Variants in SMARCA1 observed in about 807,000 individuals in gnomAD.
SMARCA1 encodes the protein SNF2 related chromatin remodeling ATPase 1, also known as SWI/SNF-related matrix-associated actin-dependent regulator of chromatin subfamily A member 1.
SMARCA1 carries 17 observed loss-of-function variants against 93.6 expected under a neutral mutation model. The observed-to-expected ratio is 0.18, with a 90% CI of 0.12 to 0.27. The LOEUF (loss-of-function observed/expected upper bound fraction) is 0.27, where lower values mean the gene tolerates loss of function less well. SMARCA1 is among the 10% of genes least tolerant of loss of function. SMARCA1 has a pLI of 1.00. For missense variants in SMARCA1, 630 were observed against 819.0 expected, an observed-to-expected ratio of 0.77 and a Z score of 2.82; for synonymous variants, 271 against 271.4, an observed-to-expected ratio of 1.00 and a Z score of 0.01.
chrX:129,518,944 A>T (rs1285896867), intron 1 of SMARCA1, among the ~76,000 whole-genome samples: 1 of 111,855 alleles, frequency 8.9e-6, no homozygotes, highest in Non-Finnish European at 1.9e-5. Context: ...AATTGTTTTC[A>T]TAGTATTATA....
At chrX:129,502,609 G>C (rs1389436516) in intron 9 of SMARCA1, among the ~76,000 whole-genome samples, 4 of 111,854 alleles carry the variant, frequency 3.6e-5, no homozygotes, top group Non-Finnish European at 7.5e-5. Flanking sequence ...GGAGACTAGG[G>C]AGTAGATATG....
Position 129,447,104 on chromosome X carries a change from A to G in SMARCA1, c.*58T>C. On this transcript the variant is annotated 3_prime_UTR_variant, in exon 25 of 25. Transcript: ENST00000371121. ...GAATACACTGGAACTGGCAATTAGC[A>G]TTTGAAGATGGGAACAAGAAAATAG... is the stretch of plus-strand genomic sequence containing the variant. 1 of 980,562 alleles carries G rather than the reference A, an allele frequency of 1.0e-6. No individual in the cohort carries two copies. Among genetic ancestry groups the G allele is most frequent in the Non-Finnish European group, 1.4e-6 (1 of 719,835 alleles). The allele number at this position is 980,562 out of a possible 1,213,427, so 80.8% of individuals were successfully genotyped here.
chrX:129,490,296 G>T (rs1004452958), intron 14 of SMARCA1, 104 bp from the exon 15 acceptor site: 1 of 471,719 alleles, frequency 2.1e-6, no homozygotes, highest in Non-Finnish European at 3.4e-6. Context: ...TTTTTCTCTA[G>T]ATCTGACACT....
At chrX:129,470,971 T>C (rs777113635) in intron 20 of SMARCA1, among the ~76,000 whole-genome samples, 29 of 112,303 alleles carry the variant, frequency 2.6e-4, no homozygotes, top group Non-Finnish European at 3.2e-4. Context: ...TTGCTAATAC[T>C]TGACACTTAT....
At chrX:129,508,873 T>C (rs1306307277) in intron 6 of SMARCA1, among the ~76,000 whole-genome samples, 1 of 112,193 alleles carries the variant, frequency 8.9e-6, no homozygotes, top group Non-Finnish European at 1.9e-5. Flanking sequence ...GCAAAATCTA[T>C]ATTAAGAAGA....
At chrX:129,454,022 C>A (rs776180474) in intron 23 of SMARCA1, among the ~76,000 whole-genome samples, 1 of 111,653 alleles carries the variant, frequency 9.0e-6, no homozygotes, top group East Asian at 2.8e-4. Flanking sequence ...GGAGGCATCA[C>A]GCTACCTGAC....
At chrX:129,510,691 C>T (rs1180965948) in intron 6 of SMARCA1, among the ~76,000 whole-genome samples, 2 of 111,915 alleles carry the variant, frequency 1.8e-5, no homozygotes, top group African/African-American at 6.5e-5. Context: ...AGATATTTAT[C>T]TTTTGCTTTT....
intron 5 of SMARCA1, among the ~76,000 whole-genome samples, chrX:129,514,961 A>G (rs1195594682): frequency 9.0e-6 from 1 of 111,356 alleles, no homozygotes; most frequent in Non-Finnish European, 1.9e-5. Flanking sequence ...GAGACAGAGA[A>G]TTGCTTGAAC....
chrX:129,518,267 T>C, intron 2 of SMARCA1, 94 bp downstream of exon 2: 1 of 419,684 alleles, frequency 2.4e-6, no homozygotes, highest in Non-Finnish European at 4.1e-6. Flanking sequence ...TGATTCTCTA[T>C]GCATTATATA....
At chrX:129,486,605 A>T in intron 17 of SMARCA1, among the ~76,000 whole-genome samples, 1 of 111,182 alleles carries the variant, frequency 9.0e-6, no homozygotes, top group Non-Finnish European at 1.9e-5. Flanking sequence ...TCATCATCAG[A>T]ATCCCTCTAT....
At chrX:129,468,688 T>C in intron 21 of SMARCA1, 85 bp downstream of exon 21, 2 of 659,503 alleles carry the variant, frequency 3.0e-6, no homozygotes, top group South Asian at 3.5e-5. Flanking sequence ...GTTTAAAACA[T>C]CTCTGAACAA....
chrX:129,463,660 G>A, intron 23 of SMARCA1, among the ~76,000 whole-genome samples: 1 of 111,613 alleles, frequency 9.0e-6, no homozygotes, highest in East Asian at 2.8e-4. Context: ...CATGTTTGCT[G>A]GGCGCGGTGG....
chrX:129,471,528 T>C (rs1033591396), intron 19 of SMARCA1, among the ~76,000 whole-genome samples: 1 of 112,368 alleles, frequency 8.9e-6, no homozygotes, highest in Non-Finnish European at 1.9e-5. Flanking sequence ...TGATATTCCA[T>C]AGTTAAAACT....
At chrX:129,475,932 T>C (rs1202683923) in intron 19 of SMARCA1, among the ~76,000 whole-genome samples, 2 of 112,522 alleles carry the variant, frequency 1.8e-5, no homozygotes, top group African/African-American at 3.2e-5. Context: ...ACAAAGATTA[T>C]GGAACTTCCT....
chrX:129,505,239 G>A (rs1934764888), intron 8 of SMARCA1, among the ~76,000 whole-genome samples: 2 of 111,812 alleles, frequency 1.8e-5, no homozygotes, highest in Non-Finnish European at 1.9e-5. Context: ...GGCCAGGTAC[G>A]GTGGCTCACA....
At chrX:129,512,123 C>T in intron 5 of SMARCA1, 140 bp from the exon 6 acceptor site, 1 of 465,956 alleles carries the variant, frequency 2.1e-6, no homozygotes, top group Middle Eastern at 4.9e-4. Context: ...AGTAAAAATA[C>T]CAAATACCTT....
In SMARCA1 at chrX:129,518,451, G is replaced by A. The variant is rs1475225103; in HGVS notation, c.175-4C>T. 4.4e-6 allele frequency: 5 copies of A among 1,142,891 alleles called. No homozygotes were observed. In the South Asian group the frequency reaches 7.6e-5, roughly 17 times the overall value. 94.2% of individuals were successfully genotyped at this position (1,142,891 alleles called of 1,213,427 possible). A position where few individuals can be genotyped will look rare whatever the true frequency, so the allele number is the denominator to read the frequency against. On this transcript the variant is annotated splice_polypyrimidine_tract_variant and splice_region_variant and intron_variant, in intron 1 of 24. Transcript: ENST00000371121. The stretch of plus-strand genomic sequence containing the variant: ...GTTGAAATGAAGAAACGTTTTTCTA[G>A]AATTTCAAAGAAAATAAATGTCACC...
Position 129,487,051 on chromosome X carries a change from T to A in SMARCA1, c.2184A>T (p.Lys728Asn), listed in dbSNP as rs371621678. 1 of 1,175,794 alleles carries A rather than the reference T, an allele frequency of 8.5e-7. No individual in the cohort carries two copies. The highest frequency in any genetic ancestry group is 1.1e-6 in the Non-Finnish European group (1 of 870,171). The part of the protein sequence containing the change: ...FRMDIEQSLY[K>N]FEGEDYREKQ... The stretch of plus-strand genomic sequence containing the variant: ...TTTCTCTATAATCTTCTCCCTCAAA[T>A]TTGTATAAACTTTGTTCAATGTCCA... The change falls in exon 17 of 25, where the codon AAA (lysine) becomes AAT (asparagine). Residue 728 changes from lysine (K) to asparagine (N), a missense_variant. Lys to Asn is a moderately conservative substitution (Grantham distance 94). Around this residue, in one of 4 missense-constraint regions of SMARCA1, gnomAD observed 382 missense variants for 537.9 expected, o/e 0.71. Transcript: ENST00000371121.
In SMARCA1 at chrX:129,506,204, T is replaced by C; in HGVS notation, c.974A>G (p.Glu325Gly). Residue 325 changes from glutamate (E) to glycine (G), a missense_variant, in exon 8 of 25, where the codon GAG becomes GGG. Coordinates refer to ENST00000371121, the MANE Select transcript of SMARCA1 (RefSeq NM_001282874.2). ...AGTCGACTTGAACTCACGAACAATC[T>C]CTGAAAGCTAGAAAATAATACTCAT... ...RIKNEKSKLS[E>G]IVREFKSTNR... The C allele has an allele frequency of 8.5e-7, 1 of 1,183,368 alleles. No homozygotes were observed. The highest frequency in any genetic ancestry group is 1.1e-6 in the Non-Finnish European group (1 of 870,849).
Sources: gnomAD v4.1 joint callset for allele counts (sites outside exome capture counted in the v4.1 genomes callset) on GRCh38, gnomAD v4.1.1 for gene constraint, gnomAD v4.1.1 regional missense constraint, MANE v1.5 for transcripts, NCBI Gene and HGNC (gene_info 2026-07-23, HGNC 2026-07-21) for gene names.